The following SPAG16 variants were observed in gnomAD, a reference collection of about 807,000 sequenced individuals.
The protein encoded by SPAG16 is sperm associated antigen 16.
A neutral mutation model predicts 80.4 loss-of-function variants in SPAG16; 86 were observed. That is an observed-to-expected ratio of 1.07 (90% CI 0.90 to 1.28). SPAG16 has a LOEUF of 1.28. Ranked by LOEUF, SPAG16 falls within the 50% of genes most tolerant of loss-of-function variation. The probability of loss-of-function intolerance (pLI) is 0.00; values close to 1 mark genes in which losing one functional copy is unlikely to be tolerated. For missense variants in SPAG16, 870 were observed against 765.3 expected, an observed-to-expected ratio of 1.14 and a Z score of -1.61; for synonymous variants, 294 against 265.9, an observed-to-expected ratio of 1.11 and a Z score of -1.03.
chr2:214,077,989 A>T (rs185195554), intron 13 of SPAG16, among the ~76,000 whole-genome samples: 148 of 152,232 alleles, frequency 9.7e-4, no homozygotes, highest in African/African-American at 3.4e-3. Context: ...CTCTTAAGTA[A>T]AGCGTTTGCA....
intron 11 of SPAG16, among the ~76,000 whole-genome samples, chr2:213,878,548 A>G (rs1302096999): frequency 6.6e-6 from 1 of 152,004 alleles, no homozygotes; most frequent in Non-Finnish European, 1.5e-5. Context: ...TAAATTCTGG[A>G]TATCATTACC....
intron 9 of SPAG16, among the ~76,000 whole-genome samples, chr2:213,403,583 A>G (rs1273059419): frequency 1.3e-5 from 2 of 152,176 alleles, no homozygotes; most frequent in Admixed American, 6.5e-5. Context: ...ATCTATGACA[A>G]ACCCACAGCC....
chr2:213,737,362 C>T (rs2067327848), intron 10 of SPAG16, among the ~76,000 whole-genome samples: 1 of 152,098 alleles, frequency 6.6e-6, no homozygotes, highest in South Asian at 2.1e-4. Flanking sequence ...TAATGTAATT[C>T]TGTATTTCTA....
intron 10 of SPAG16, among the ~76,000 whole-genome samples, chr2:213,651,407 T>A (rs1199852287): frequency 6.6e-6 from 1 of 152,166 alleles, no homozygotes; most frequent in Non-Finnish European, 1.5e-5. Flanking sequence ...ACATTGGTGA[T>A]AGGGGTTCCC....
chr2:213,585,515 G>C (rs2060439970), intron 10 of SPAG16, among the ~76,000 whole-genome samples: 2 of 152,060 alleles, frequency 1.3e-5, no homozygotes, highest in Admixed American at 1.3e-4. Flanking sequence ...GACCTCAGGT[G>C]ATCTGCTCAC....
chr2:214,322,599 G>A (rs944125136), intron 15 of SPAG16, among the ~76,000 whole-genome samples: 1 of 151,588 alleles, frequency 6.6e-6, no homozygotes, highest in Non-Finnish European at 1.5e-5. Context: ...ATAAAGTTGG[G>A]GTATATTTTA....
intron 12 of SPAG16, among the ~76,000 whole-genome samples, chr2:213,938,251 C>T (rs974820204): frequency 2.0e-5 from 3 of 151,930 alleles, no homozygotes; most frequent in African/African-American, 7.2e-5. Flanking sequence ...TAGTCCTCCT[C>T]AATGCTGATG....
chr2:213,777,055 T>C (rs1458863137), intron 10 of SPAG16, among the ~76,000 whole-genome samples: 2 of 151,942 alleles, frequency 1.3e-5, no homozygotes, highest in Admixed American at 6.6e-5. Flanking sequence ...ATGTCATAGG[T>C]TTCTTTGTTA....
intron 9 of SPAG16, among the ~76,000 whole-genome samples, chr2:213,440,043 C>T (rs530349635): frequency 3.9e-5 from 6 of 152,130 alleles, no homozygotes; most frequent in South Asian, 2.1e-4. Flanking sequence ...TCTGATACTG[C>T]GTAGCTGTCA....
intron 10 of SPAG16, among the ~76,000 whole-genome samples, chr2:213,784,626 TAAAAAAAAA>T (rs71063777): frequency 4.2e-5 from 2 of 47,902 alleles, no homozygotes; most frequent in Non-Finnish European, 8.0e-5. Context: ...CAATTATTTC[TAAAAAAAAA>T]AAAAAAAAAA....
chr2:213,421,426 C>T (rs2069578782), intron 9 of SPAG16, among the ~76,000 whole-genome samples: 1 of 152,210 alleles, frequency 6.6e-6, no homozygotes, highest in African/African-American at 2.4e-5. Flanking sequence ...GCAGGTGCCC[C>T]TTGGCATGAA....
intron 11 of SPAG16, among the ~76,000 whole-genome samples, chr2:213,920,879 C>T (rs2078189859): frequency 6.6e-6 from 1 of 152,254 alleles, no homozygotes. Flanking sequence ...CATGCTGCCC[C>T]TACCAATTCT....
chr2:213,525,681 T>C (rs960022765), intron 10 of SPAG16, among the ~76,000 whole-genome samples: 3 of 152,166 alleles, frequency 2.0e-5, no homozygotes, highest in Non-Finnish European at 4.4e-5. Flanking sequence ...CTGATAATGT[T>C]ACAATTTTTA....
At chr2:213,547,010 T>C (rs1395436128) in intron 10 of SPAG16, among the ~76,000 whole-genome samples, 1 of 152,162 alleles carries the variant, frequency 6.6e-6, no homozygotes, top group Non-Finnish European at 1.5e-5. Context: ...CTGAGGCTAA[T>C]AGAAATAGAT....
chr2:214,277,110 G>A lies in SPAG16; in HGVS notation c.1720+127844G>A, dbSNP rs190173020. Among the ~76,000 whole-genome samples the A allele has an allele frequency of 5.9e-5, 9 of 152,144 alleles. No homozygotes were observed. The East Asian group carries it at 1.7e-3, about 29-fold the overall frequency. On this transcript the variant is annotated intron_variant, in intron 15 of 15. Transcript: ENST00000331683. ...CTGAAGCTTGTGCATGTGTCACGTA[G>A]TTCTCATGCCATGGTTTTCAGCTCC...
At chr2:214,316,792 C>T (rs1306023596) in intron 15 of SPAG16, among the ~76,000 whole-genome samples, 1 of 152,032 alleles carries the variant, frequency 6.6e-6, no homozygotes, top group East Asian at 1.9e-4. Context: ...CACCCTGACC[C>T]ACTAACTTAA....
At chr2:213,413,040 G>C (rs954796206) in intron 9 of SPAG16, among the ~76,000 whole-genome samples, 5 of 151,878 alleles carry the variant, frequency 3.3e-5, no homozygotes, top group Non-Finnish European at 5.9e-5. Flanking sequence ...AGTTATATTG[G>C]GTAATGCTGT....
At chr2:213,629,822 G>A (rs1212282976) in intron 10 of SPAG16, among the ~76,000 whole-genome samples, 13 of 152,174 alleles carry the variant, frequency 8.5e-5, no homozygotes, top group Non-Finnish European at 1.6e-4. Context: ...CAGCCTCGCT[G>A]TCTAATGTAA....
intron 9 of SPAG16, among the ~76,000 whole-genome samples, chr2:213,436,065 A>C (rs1014378720): frequency 2.6e-5 from 4 of 152,172 alleles, no homozygotes; most frequent in South Asian, 4.1e-4. Context: ...GTAATGCTCA[A>C]ATTTCTAGTC....
Sources: gnomAD v4.1 joint callset for allele counts (sites outside exome capture counted in the v4.1 genomes callset) on GRCh38, gnomAD v4.1.1 for gene constraint, MANE v1.5 for transcripts, NCBI Gene and HGNC (gene_info 2026-07-23, HGNC 2026-07-21) for gene names.